TRPC4: variants seen among roughly 807,000 people sequenced by gnomAD.
TRPC4 encodes the protein transient receptor potential cation channel subfamily C member 4.
Under a neutral mutation model 99.4 loss-of-function variants are expected in TRPC4, and 49 were observed. The observed-to-expected ratio is 0.49, with a 90% confidence interval of 0.39 to 0.63. The LOEUF (loss-of-function observed/expected upper bound fraction) is 0.63, where lower values mean the gene tolerates loss of function less well. Ranked by LOEUF, TRPC4 falls within the 20% of genes least tolerant of loss-of-function variation. The probability of loss-of-function intolerance (pLI) is 0.00; values close to 1 mark genes in which losing one functional copy is unlikely to be tolerated. For missense variants in TRPC4, 898 were observed against 1,152.9 expected, an observed-to-expected ratio of 0.78 and a Z score of 3.20; for synonymous variants, 454 against 425.9, an observed-to-expected ratio of 1.07 and a Z score of -0.81.
Position 37,842,227 on chromosome 13 carries a change from G to A in TRPC4, c.-28+27368C>T, listed in dbSNP as rs860144. ...AGAGGTTGCAGTTAGTGGAGATCTCGCCACTGCACTCCAGCCTAGGCAACA... is the reference window on the plus strand; with the variant it reads ...AGAGGTTGCAGTTAGTGGAGATCTCACCACTGCACTCCAGCCTAGGCAACA... On this transcript the variant is annotated intron_variant, in intron 1 of 10. Transcript: ENST00000379705. Among the ~76,000 whole-genome samples the A allele has an allele frequency of 7.6e-3, 1,077 of 142,470 alleles. 13 individuals carry two copies. Among genetic ancestry groups the A allele is most frequent in the African/African-American group, 0.027 (1,030 of 38,172 alleles). The allele number at this position is 142,470 out of a possible 152,430, so 93.5% of individuals were successfully genotyped here.
chr13:37,673,191 C>T (rs748628502), intron 5 of TRPC4, among the ~76,000 whole-genome samples: 2 of 148,980 alleles, frequency 1.3e-5, no homozygotes, highest in Admixed American at 6.8e-5. Flanking sequence ...TGAGAACATG[C>T]GGTGTTTGGT....
At position 37,851,968 on chromosome 13, in the gene TRPC4, C is replaced by G. The variant is rs561752492; in HGVS notation, c.-28+17627G>C. 5.3e-5 allele frequency among the ~76,000 whole-genome samples: 8 copies of G among 152,316 alleles called. No homozygotes were observed. The East Asian group carries it at 1.5e-3, about 29-fold the overall frequency. ...CTAGACCTAGCCAGGTGGGAATTGCCTATCCCAGTGGTCAGAACTCAAGTT... is the reference window on the plus strand; with the variant it reads ...CTAGACCTAGCCAGGTGGGAATTGCGTATCCCAGTGGTCAGAACTCAAGTT... On this transcript the variant is annotated intron_variant, in intron 1 of 10. Coordinates refer to ENST00000379705, the MANE Select transcript of TRPC4 (RefSeq NM_016179.4).
At chr13:37,669,170 A>G (rs1566082944) in intron 5 of TRPC4, among the ~76,000 whole-genome samples, 2 of 152,178 alleles carry the variant, frequency 1.3e-5, no homozygotes, top group African/African-American at 4.8e-5. Context: ...TTATTAATAA[A>G]AATTTTGATT....
At chr13:37,737,488 A>T (rs966553522) in intron 3 of TRPC4, among the ~76,000 whole-genome samples, 1 of 152,004 alleles carries the variant, frequency 6.6e-6, no homozygotes, top group African/African-American at 2.4e-5. Flanking sequence ...TTATTTTATT[A>T]ATTTGACAGG....
At chr13:37,849,729 C>T (rs769660316) in intron 1 of TRPC4, among the ~76,000 whole-genome samples, 23 of 152,180 alleles carry the variant, frequency 1.5e-4, no homozygotes, top group Admixed American at 6.5e-5. Flanking sequence ...TCAGAATGTT[C>T]AGCACTGACA....
At chr13:37,687,487 G>T (rs1953524454) in intron 4 of TRPC4, among the ~76,000 whole-genome samples, 1 of 152,030 alleles carries the variant, frequency 6.6e-6, no homozygotes, top group South Asian at 2.1e-4. Context: ...TCAAAAGTTT[G>T]TTTTTCCCAT....
chr13:37,673,780 G>A (rs891060771), intron 5 of TRPC4, among the ~76,000 whole-genome samples: 2 of 152,124 alleles, frequency 1.3e-5, no homozygotes, highest in Non-Finnish European at 2.9e-5. Flanking sequence ...ATATCAAATT[G>A]TATTAGTTTA....
chr13:37,793,443 T>C (rs370495907), intron 1 of TRPC4, among the ~76,000 whole-genome samples: 10,327 of 115,308 alleles, frequency 0.09, 945 homozygotes, highest in African/African-American at 0.25. Context: ...CCCCTCCCCC[T>C]ACCCCACAAC....
chr13:37,862,289 T>G (rs1169300855), intron 1 of TRPC4, among the ~76,000 whole-genome samples: 2 of 151,518 alleles, frequency 1.3e-5, no homozygotes, highest in Non-Finnish European at 3.0e-5. Context: ...AACATGTGAC[T>G]GTAACACCAA....
chr13:37,803,432 G>T (rs1957455164), intron 1 of TRPC4, among the ~76,000 whole-genome samples: 1 of 151,750 alleles, frequency 6.6e-6, no homozygotes, highest in South Asian at 2.1e-4. Flanking sequence ...CCATCTATTT[G>T]TGCACACACA....
intron 1 of TRPC4, among the ~76,000 whole-genome samples, chr13:37,807,193 G>A (rs1957548948): frequency 6.6e-6 from 1 of 151,654 alleles, no homozygotes; most frequent in African/African-American, 2.4e-5. Flanking sequence ...TCTCATATAT[G>A]TTTATGATAT....
chr13:37,763,791 C>A (rs1339273722), intron 2 of TRPC4, among the ~76,000 whole-genome samples: 1 of 151,640 alleles, frequency 6.6e-6, no homozygotes, highest in Non-Finnish European at 1.5e-5. Context: ...AGGGTCAGAA[C>A]ATATTGGAGT....
At chr13:37,856,524 T>C (rs1043139052) in intron 1 of TRPC4, among the ~76,000 whole-genome samples, 1 of 151,470 alleles carries the variant, frequency 6.6e-6, no homozygotes, top group South Asian at 2.1e-4. Context: ...TCCAAACTCA[T>C]TCTACAAGGC....
chr13:37,791,311 G>A (rs758806505), intron 1 of TRPC4, among the ~76,000 whole-genome samples: 14 of 150,332 alleles, frequency 9.3e-5, no homozygotes, highest in South Asian at 6.3e-4. Flanking sequence ...CAGGAGAATC[G>A]CTTGAACCTG....
At chr13:37,743,585 G>T (rs777000268) in intron 3 of TRPC4, among the ~76,000 whole-genome samples, 57 of 152,144 alleles carry the variant, frequency 3.7e-4, no homozygotes, top group Non-Finnish European at 6.8e-4. Context: ...AGCTCTATGA[G>T]AGCAGAGACC....
intron 1 of TRPC4, among the ~76,000 whole-genome samples, chr13:37,863,957 C>T (rs531593365): frequency 1.3e-5 from 2 of 151,674 alleles, no homozygotes; most frequent in South Asian, 2.1e-4. Context: ...ACTATGATCC[C>T]GGTATGCAAA....
chr13:37,692,552 A>T (rs568094049), intron 3 of TRPC4, among the ~76,000 whole-genome samples: 1 of 152,340 alleles, frequency 6.6e-6, no homozygotes, highest in African/African-American at 2.4e-5. Context: ...GCTTAGTGAG[A>T]CATAACTGAA....
At chr13:37,812,185 A>AAAAAAC (rs748882629) in intron 1 of TRPC4, among the ~76,000 whole-genome samples, 2,031 of 147,042 alleles carry the variant, frequency 0.014, 172 homozygotes, top group African/African-American at 0.034. Flanking sequence ...TCAAAAAAAA[A>AAAAAAC]AAAAAAAAAA....
chr13:37,796,506 T>C (rs1957250341), intron 1 of TRPC4, among the ~76,000 whole-genome samples: 1 of 152,152 alleles, frequency 6.6e-6, no homozygotes, highest in Non-Finnish European at 1.5e-5. Context: ...TTTTATTATG[T>C]TCTGCAATTC....
Sources: allele counts gnomAD v4.1 joint callset (sites outside exome capture counted in the v4.1 genomes callset), GRCh38; gene constraint gnomAD v4.1.1; transcripts MANE v1.5; gene names NCBI Gene and HGNC (gene_info 2026-07-23, HGNC 2026-07-21).